The following MLIP variants were observed in gnomAD, a reference collection of about 807,000 sequenced individuals.
The protein encoded by MLIP is muscular LMNA interacting protein.
Under a neutral mutation model 84.8 loss-of-function variants are expected in MLIP, and 79 were observed. The observed-to-expected ratio is 0.93, with a 90% confidence interval of 0.78 to 1.12. The LOEUF is 1.12. MLIP is among the 50% of genes most tolerant of loss of function. MLIP has a pLI of 0.00. For missense variants in MLIP, 1,257 were observed against 1,160.6 expected (o/e 1.08, Z -1.21); for synonymous variants, 504 against 463.0 (o/e 1.09, Z -1.14).
intron 1 of MLIP, among the ~76,000 whole-genome samples, chr6:54,117,471 C>T (rs1770041062): frequency 6.6e-6 from 1 of 151,384 alleles, no homozygotes. Context: ...ACCTCAGCCT[C>T]CCAAAGTGCT....
chr6:54,090,449 C>A (rs1239680080), intron 1 of MLIP, among the ~76,000 whole-genome samples: 1 of 152,096 alleles, frequency 6.6e-6, no homozygotes, highest in Non-Finnish European at 1.5e-5. Context: ...GATAGACATT[C>A]TAGGCTTCCT....
Position 54,090,586 on chromosome 6 carries a change from C to T in MLIP, c.64-30861C>T, listed in dbSNP as rs140259044. Among the ~76,000 whole-genome samples, 10 of 151,984 alleles carry T rather than the reference C, an allele frequency of 6.6e-5. No individual in the cohort carries two copies. In the East Asian group the frequency reaches 1.5e-3, roughly 24 times the overall value. On this transcript the variant is annotated intron_variant, in intron 1 of 12. Transcript: ENST00000274897. The stretch of plus-strand genomic sequence containing the variant: ...AGCAAACATTAGTGTGAGAACCAGC[C>T]TTCATATTGTCATAAGCATCGGTTG...
At chr6:54,114,489 C>T (rs1380017418) in intron 1 of MLIP, among the ~76,000 whole-genome samples, 1 of 152,144 alleles carries the variant, frequency 6.6e-6, no homozygotes, top group Non-Finnish European at 1.5e-5. Flanking sequence ...CTCTCATATT[C>T]CACTTCCAAT....
At chr6:54,083,332 C>A in intron 1 of MLIP, 1 of 734,408 alleles carries the variant, frequency 1.4e-6, no homozygotes, top group Non-Finnish European at 2.1e-6. Context: ...CTGCTAAGGT[C>A]AAGATAGGTT....
In MLIP at chr6:54,124,701, C is replaced by G; in HGVS notation, c.481C>G (p.Pro161Ala). The change falls in exon 3 of 14, where the codon CCC becomes GCC. Residue 161 changes from proline (P) to alanine (A), a missense_variant. Pro to Ala is a conservative substitution (Grantham distance 27). Transcript: ENST00000502396. ...EAASRKVEQG[P>A]PGGIGTAAVR... ...TGCAAGCAGAAAAGTTGAACAAGGC[C>G]CCCCAGGGGGGATTGGCACCGCAGC... 6.2e-7 allele frequency: 1 copy of G among 1,614,108 alleles called. No homozygotes were observed.
intron 1 of MLIP, among the ~76,000 whole-genome samples, chr6:54,116,200 G>C (rs1348643551): frequency 6.6e-6 from 1 of 152,122 alleles, no homozygotes; most frequent in Non-Finnish European, 1.5e-5. Context: ...TGAAGGGAGA[G>C]GGAGTGAGAG....
intron 9 of MLIP, among the ~76,000 whole-genome samples, chr6:54,174,965 A>T (rs565177274): frequency 6.6e-6 from 1 of 151,942 alleles, no homozygotes; most frequent in Non-Finnish European, 1.5e-5. Context: ...TCTTTTGCAT[A>T]TGGACACCCA....
intron 1 of MLIP, chr6:54,079,543 AG>A (rs1179045253): frequency 6.6e-6 from 1 of 152,238 alleles, no homozygotes; most frequent in African/African-American, 2.4e-5. Context: ...TTCATTATCC[AG>A]AGCAAACCAC....
At position 54,144,246 on chromosome 6, in the gene MLIP, G is replaced by A. The variant is rs116541430; in HGVS notation, c.2218-4810G>A. Among the ~76,000 whole-genome samples the A allele has an allele frequency of 1.5e-3, 233 of 152,292 alleles. 2 individuals carry two copies. Among genetic ancestry groups the A allele is most frequent in the African/African-American group, 5.3e-3 (221 of 41,564 alleles). ...ATTCTGACTCAGGTAAGACAGACGT[G>A]ATCACCGAGGAGCAGAAAGTGTACA... On this transcript the variant is annotated intron_variant, in intron 4 of 13. Coordinates refer to ENST00000502396, the MANE Select transcript of MLIP (RefSeq NM_001281747.2).
At chr6:54,030,138 C>T (rs1033775673) in intron 1 of MLIP, among the ~76,000 whole-genome samples, 21 of 152,108 alleles carry the variant, frequency 1.4e-4, no homozygotes, top group Admixed American at 5.9e-4. Context: ...GCTTACTTTC[C>T]CACTAGGAAG....
chr6:54,153,871 C>A (rs1295691712), intron 5 of MLIP, among the ~76,000 whole-genome samples: 3 of 123,396 alleles, frequency 2.4e-5, no homozygotes, highest in Admixed American at 8.3e-5. Flanking sequence ...AAAAAAAAAT[C>A]TTTATGTCTT....
At chr6:54,019,234 A>T in intron 1 of MLIP, 1 of 781,036 alleles carries the variant, frequency 1.3e-6, no homozygotes, top group Non-Finnish European at 2.1e-6. Flanking sequence ...AATGAGTTCC[A>T]TGGGCTTTCC....
chr6:54,157,355 C>G (rs1774137097), intron 5 of MLIP, among the ~76,000 whole-genome samples: 1 of 152,110 alleles, frequency 6.6e-6, no homozygotes, highest in South Asian at 2.1e-4. Context: ...GCAAGTTCCC[C>G]TCTTCACTCT....
intron 12 of MLIP, among the ~76,000 whole-genome samples, chr6:54,241,985 T>A (rs1781767982): frequency 6.6e-6 from 1 of 152,194 alleles, no homozygotes; most frequent in African/African-American, 2.4e-5. Context: ...GTATTCTGAA[T>A]GAGAAATACA....
chr6:54,182,383 G>A (rs1776967291), intron 9 of MLIP, among the ~76,000 whole-genome samples: 1 of 152,136 alleles, frequency 6.6e-6, no homozygotes, highest in African/African-American at 2.4e-5. Context: ...GTCACTACTG[G>A]GGAGTAGGGG....
chr6:54,161,725 A>G (rs1174987483), intron 8 of MLIP, among the ~76,000 whole-genome samples: 1 of 151,968 alleles, frequency 6.6e-6, no homozygotes, highest in Non-Finnish European at 1.5e-5. Context: ...AATATCCATT[A>G]GTAATGACAT....
chr6:54,041,756 G>A (rs1339499302), intron 1 of MLIP, among the ~76,000 whole-genome samples: 1 of 151,988 alleles, frequency 6.6e-6, no homozygotes, highest in Non-Finnish European at 1.5e-5. Flanking sequence ...TTTTGTCATT[G>A]GCAAAGTATT....
chr6:54,242,341 C>T (rs188850712), intron 12 of MLIP, among the ~76,000 whole-genome samples: 157 of 152,154 alleles, frequency 1.0e-3, no homozygotes, highest in Non-Finnish European at 1.9e-3. Context: ...AAATTTAGTA[C>T]GTGTGTAACG....
chr6:54,174,356 A>T (rs563846669), intron 9 of MLIP, among the ~76,000 whole-genome samples: 2 of 152,146 alleles, frequency 1.3e-5, no homozygotes, highest in Admixed American at 6.6e-5. Flanking sequence ...GGTGGTGTAC[A>T]GTCCCACCAA....
Sources: allele counts gnomAD v4.1 joint callset (sites outside exome capture counted in the v4.1 genomes callset), GRCh38; gene constraint gnomAD v4.1.1; transcripts MANE v1.5; gene names NCBI Gene and HGNC (gene_info 2026-07-23, HGNC 2026-07-21).